The following EPDR1 variants were observed in gnomAD, a reference collection of about 807,000 sequenced individuals.
EPDR1 encodes the protein ependymin related 1.
A neutral mutation model predicts 23.7 loss-of-function variants in EPDR1; 27 were observed. The observed-to-expected ratio is 1.14, with a 90% CI of 0.84 to 1.57. The LOEUF (loss-of-function observed/expected upper bound fraction) is 1.57. EPDR1 is among the 40% of genes most tolerant of loss of function. The pLI, the probability that EPDR1 is intolerant of heterozygous loss-of-function variation, is 0.00. For synonymous variants in EPDR1, 137 were observed against 118.2 expected, an observed-to-expected ratio of 1.16 and a Z score of -1.03; for missense variants, 349 against 290.4, an observed-to-expected ratio of 1.20 and a Z score of -1.47.
intron 1 of EPDR1, among the ~76,000 whole-genome samples, chr7:37,933,747 C>T (rs1785989755): frequency 6.6e-6 from 1 of 152,118 alleles, no homozygotes; most frequent in East Asian, 1.9e-4. Context: ...GGAAGGCTCT[C>T]ATAGAGATTT....
At chr7:37,925,156 A>G (rs1052954219) in intron 1 of EPDR1, among the ~76,000 whole-genome samples, 1 of 152,220 alleles carries the variant, frequency 6.6e-6, no homozygotes, top group Non-Finnish European at 1.5e-5. Context: ...ATTCACAAGT[A>G]TTTATTTGAA....
At chr7:37,936,320 A>C (rs1040523647) in intron 1 of EPDR1, among the ~76,000 whole-genome samples, 18 of 152,046 alleles carry the variant, frequency 1.2e-4, no homozygotes, top group Admixed American at 1.2e-3. Context: ...TGGATTCAGT[A>C]GGAACTGATG....
intron 1 of EPDR1, among the ~76,000 whole-genome samples, chr7:37,940,396 T>A (rs1786147264): frequency 6.6e-6 from 1 of 152,118 alleles, no homozygotes; most frequent in African/African-American, 2.4e-5. Flanking sequence ...CATATTTAAA[T>A]AATAAAATCA....
intron 1 of EPDR1, among the ~76,000 whole-genome samples, chr7:37,934,779 A>C (rs1786015852): frequency 6.6e-6 from 1 of 152,116 alleles, no homozygotes; most frequent in Non-Finnish European, 1.5e-5. Flanking sequence ...CCCCATCTCT[A>C]CAAAAAAATA....
chr7:37,927,771 T>C (rs1385032715), intron 1 of EPDR1, among the ~76,000 whole-genome samples: 2 of 152,218 alleles, frequency 1.3e-5, no homozygotes, highest in African/African-American at 4.8e-5. Context: ...ATCACGACTT[T>C]GTGAATATTA....
intron 1 of EPDR1, among the ~76,000 whole-genome samples, chr7:37,931,105 A>AATG (rs1392626661): frequency 6.6e-6 from 1 of 151,874 alleles, no homozygotes; most frequent in Non-Finnish European, 1.5e-5. Flanking sequence ...AGAGATTTTC[A>AATG]ATGTCTAAGC....
At chr7:37,943,189 T>G (rs901624980) in intron 1 of EPDR1, among the ~76,000 whole-genome samples, 2 of 152,232 alleles carry the variant, frequency 1.3e-5, no homozygotes, top group African/African-American at 4.8e-5. Flanking sequence ...TGGGCTGGTC[T>G]GCCTCCCTGT....
chr7:37,946,889 T>G (rs1786287505), intron 1 of EPDR1, among the ~76,000 whole-genome samples: 1 of 152,196 alleles, frequency 6.6e-6, no homozygotes, highest in Non-Finnish European at 1.5e-5. Context: ...AATTTGTGTT[T>G]TAAGCTGTCT....
At chr7:37,931,935 C>T (rs1785949869) in intron 1 of EPDR1, among the ~76,000 whole-genome samples, 1 of 152,254 alleles carries the variant, frequency 6.6e-6, no homozygotes, top group Admixed American at 6.5e-5. Context: ...GTCTCGATCT[C>T]CTGACCTCGT....
In EPDR1 at chr7:37,950,552, G is replaced by A. The variant is rs1786382536; in HGVS notation, c.*156G>A. On this transcript the variant is annotated 3_prime_UTR_variant, in exon 3 of 3. Coordinates refer to ENST00000199448, the MANE Select transcript of EPDR1 (RefSeq NM_017549.5). ...GTGGGGTTTTGATGTGTCTGATTTT[G>A]ACTACTCAAGCTCTGTTTACAGAAG... 3 of 734,990 alleles carry A rather than the reference G, an allele frequency of 4.1e-6. No individual in the cohort carries two copies. The South Asian group carries it at 6.1e-5, about 15-fold the overall frequency. 45.5% of individuals were successfully genotyped at this position (734,990 alleles called of 1,614,324 possible). A position where few individuals can be genotyped will look rare whatever the true frequency, so the allele number is the denominator to read the frequency against.
At chr7:37,937,596 T>C (rs926696991) in intron 1 of EPDR1, among the ~76,000 whole-genome samples, 1 of 152,146 alleles carries the variant, frequency 6.6e-6, no homozygotes, top group African/African-American at 2.4e-5. Flanking sequence ...CCACCAACTA[T>C]TATGAAAGGA....
At chr7:37,930,075 C>A (rs747380076) in intron 1 of EPDR1, among the ~76,000 whole-genome samples, 3 of 152,228 alleles carry the variant, frequency 2.0e-5, no homozygotes, top group Non-Finnish European at 4.4e-5. Flanking sequence ...AAGGCAACTT[C>A]TCCTGGAGGA....
At chr7:37,938,331 G>A (rs1165899895) in intron 1 of EPDR1, among the ~76,000 whole-genome samples, 1 of 152,138 alleles carries the variant, frequency 6.6e-6, no homozygotes, top group Non-Finnish European at 1.5e-5. Context: ...AAAGAAGTCA[G>A]AGGGAGCCAA....
chr7:37,926,030 G>A (rs1785802561), intron 1 of EPDR1, among the ~76,000 whole-genome samples: 1 of 152,174 alleles, frequency 6.6e-6, no homozygotes, highest in Non-Finnish European at 1.5e-5. Flanking sequence ...AGAAGGCTCT[G>A]CACTCAACTG....
At chr7:37,942,033 T>G (rs1415095509) in intron 1 of EPDR1, among the ~76,000 whole-genome samples, 2 of 152,142 alleles carry the variant, frequency 1.3e-5, no homozygotes, top group Non-Finnish European at 2.9e-5. Flanking sequence ...AGATTTATCT[T>G]TTTACTTAAA....
intron 1 of EPDR1, among the ~76,000 whole-genome samples, chr7:37,940,980 G>A (rs922749532): frequency 6.6e-6 from 1 of 152,142 alleles, no homozygotes; most frequent in Non-Finnish European, 1.5e-5. Context: ...TCCAAGGTTA[G>A]CCTGTGCCAC....
At chr7:37,924,899 A>G (rs1389631685) in intron 1 of EPDR1, among the ~76,000 whole-genome samples, 1 of 152,228 alleles carries the variant, frequency 6.6e-6, no homozygotes, top group Non-Finnish European at 1.5e-5. Flanking sequence ...GTTGAGAAGT[A>G]AGTTTTAGAA....
intron 1 of EPDR1, among the ~76,000 whole-genome samples, chr7:37,922,509 A>G (rs1323367426): frequency 1.3e-5 from 2 of 152,198 alleles, no homozygotes; most frequent in African/African-American, 4.8e-5. Flanking sequence ...ATGAGGCATG[A>G]CACTGAGGAC....
intron 1 of EPDR1, among the ~76,000 whole-genome samples, chr7:37,946,031 C>T (rs539127216): frequency 3.4e-4 from 52 of 152,348 alleles, no homozygotes; most frequent in Non-Finnish European, 6.0e-4. Context: ...CAACTCCATC[C>T]ATGTCCCTGC....
Sources: gnomAD v4.1 joint callset for allele counts (sites outside exome capture counted in the v4.1 genomes callset) on GRCh38, gnomAD v4.1.1 for gene constraint, MANE v1.5 for transcripts, NCBI Gene and HGNC (gene_info 2026-07-23, HGNC 2026-07-21) for gene names.